CEP128: variants seen among roughly 807,000 people sequenced by gnomAD.
The protein encoded by CEP128 is centrosomal protein 128kDa.
In CEP128, 132 loss-of-function variants were observed where a neutral mutation model predicts 156.7. That is an observed-to-expected ratio of 0.84 (90% CI 0.73 to 0.97). CEP128 has a LOEUF of 0.97. Among genes scored for constraint, CEP128 ranks in the 50% least tolerant of loss-of-function variants. The pLI, the probability that CEP128 is intolerant of heterozygous loss-of-function variation, is 0.00. For synonymous variants in CEP128, 469 were observed against 448.9 expected, an observed-to-expected ratio of 1.04 and a Z score of -0.57; for missense variants, 1,252 against 1,281.9, an observed-to-expected ratio of 0.98 and a Z score of 0.36.
At chr14:80,944,079 G>A (rs1049253400), upstream of CEP128, among the ~76,000 whole-genome samples, 20 of 151,602 alleles carry the variant, frequency 1.3e-4, no homozygotes, top group Admixed American at 5.2e-4. Context: ...AGTTAAAGCC[G>A]ACAAAATGAG....
chr14:80,557,763 C>G (rs928930188), intron 21 of CEP128, among the ~76,000 whole-genome samples: 4 of 152,208 alleles, frequency 2.6e-5, no homozygotes, highest in South Asian at 4.1e-4. Context: ...CATCTTTCCT[C>G]TCTTCATACT....
At chr14:80,768,572 T>C (rs1490837557) in intron 16 of CEP128, among the ~76,000 whole-genome samples, 1 of 152,190 alleles carries the variant, frequency 6.6e-6, no homozygotes, top group African/African-American at 2.4e-5. Flanking sequence ...GAAGAAGTTA[T>C]GATTAATAGC....
At chr14:80,603,970 G>A (rs1473226918) in intron 19 of CEP128, among the ~76,000 whole-genome samples, 6 of 152,220 alleles carry the variant, frequency 3.9e-5, no homozygotes, top group Non-Finnish European at 7.4e-5. Context: ...GTTGTGAAAC[G>A]ATGAAGCTTT....
At position 80,507,975 on chromosome 14, in the gene CEP128, C is replaced by G. The variant is rs551354403; in HGVS notation, c.3073-2955G>C. Among the ~76,000 whole-genome samples, 14 of 152,276 alleles carry G rather than the reference C, an allele frequency of 9.2e-5. No homozygotes were observed. The South Asian group carries it at 2.9e-3, about 32-fold the overall frequency. ...TGTTGCCCAGGCTGGAGTGCAGTGG[C>G]ACGATCTTGGCTCACTGCAACCTCT... On this transcript the variant is annotated intron_variant, in intron 23 of 24. Coordinates refer to ENST00000555265, the MANE Select transcript of CEP128 (RefSeq NM_152446.5).
intron 21 of CEP128, among the ~76,000 whole-genome samples, chr14:80,534,023 C>T (rs1223247659): frequency 1.3e-5 from 2 of 152,144 alleles, no homozygotes; most frequent in Non-Finnish European, 2.9e-5. Flanking sequence ...CTAACTAGGG[C>T]ATTTGCAACA....
At chr14:80,608,253 G>A (rs1291783190) in intron 19 of CEP128, among the ~76,000 whole-genome samples, 2 of 151,944 alleles carry the variant, frequency 1.3e-5, no homozygotes, top group East Asian at 1.9e-4. Context: ...TTGTCTTTTC[G>A]CCTCCACTAG....
chr14:80,526,486 A>G (rs564766140), intron 23 of CEP128, among the ~76,000 whole-genome samples: 93 of 152,208 alleles, frequency 6.1e-4, no homozygotes, highest in African/African-American at 2.0e-3. Context: ...AAAGTACAAT[A>G]TATTATCTGA....
chr14:80,564,331 TC>T (rs1890821826), intron 20 of CEP128, among the ~76,000 whole-genome samples: 1 of 152,226 alleles, frequency 6.6e-6, no homozygotes, highest in Non-Finnish European at 1.5e-5. Context: ...TATTACACTT[TC>T]TAAGTAAAAA....
intron 19 of CEP128, among the ~76,000 whole-genome samples, chr14:80,690,001 G>A (rs1896663190): frequency 6.6e-6 from 1 of 151,998 alleles, no homozygotes; most frequent in Non-Finnish European, 1.5e-5. Context: ...CTGGATATAA[G>A]GCATGGCAAT....
chr14:80,916,192 G>C lies in CEP128; in HGVS notation c.147+209C>G, dbSNP rs1045497625. ...ATTTTTCCCTTAGAGCCTCCAGAGA[G>C]GAACACATCCCTACCAACACTTTGA... is the stretch of plus-strand genomic sequence containing the variant. On this transcript the variant is annotated intron_variant, in intron 3 of 24. Transcript: ENST00000555265. Among the ~76,000 whole-genome samples the C allele has an allele frequency of 7.9e-5, 12 of 152,236 alleles. No individual in the cohort carries two copies. The East Asian group carries it at 1.9e-3, about 25-fold the overall frequency.
downstream of CEP128, among the ~76,000 whole-genome samples, chr14:80,488,001 G>C (rs534256427): frequency 4.7e-5 from 7 of 149,826 alleles, no homozygotes; most frequent in South Asian, 1.1e-3. Flanking sequence ...TCAAAAGCTA[G>C]CAGAAGGCAA....
chr14:80,595,136 T>C (rs186668765), intron 19 of CEP128, among the ~76,000 whole-genome samples: 107 of 152,310 alleles, frequency 7.0e-4, no homozygotes, highest in Admixed American at 1.9e-3. Context: ...TGGAATACTA[T>C]GCAGCCATAA....
chr14:80,918,637 C>T (rs188633885), intron 2 of CEP128, among the ~76,000 whole-genome samples: 3 of 152,190 alleles, frequency 2.0e-5, no homozygotes, highest in South Asian at 2.1e-4. Flanking sequence ...TTCTGCTGTC[C>T]GATTATCCTG....
At chr14:80,736,251 A>C (rs1439045503) in intron 19 of CEP128, among the ~76,000 whole-genome samples, 1 of 91,132 alleles carries the variant, frequency 1.1e-5, no homozygotes, top group Non-Finnish European at 2.3e-5. Flanking sequence ...CTCTAATATA[A>C]GGTTTTAAAA....
intron 9 of CEP128, among the ~76,000 whole-genome samples, chr14:80,852,675 C>T (rs984905470): frequency 6.6e-6 from 1 of 151,764 alleles, no homozygotes; most frequent in Admixed American, 6.6e-5. Context: ...AATTAGTAAT[C>T]TGCAGCACCA....
At chr14:80,539,386 C>A (rs542064252) in intron 21 of CEP128, among the ~76,000 whole-genome samples, 1 of 152,094 alleles carries the variant, frequency 6.6e-6, no homozygotes, top group African/African-American at 2.4e-5. Flanking sequence ...TCAGGGACCT[C>A]GAACAGAGGG....
upstream of CEP128, chr14:80,942,480 G>T (rs1469244029): frequency 2.0e-5 from 3 of 152,166 alleles, no homozygotes; most frequent in Non-Finnish European, 4.4e-5. Flanking sequence ...AAGCTAAAAA[G>T]TAACAATTAA....
chr14:80,587,784 G>T (rs1891881122), intron 19 of CEP128, among the ~76,000 whole-genome samples: 1 of 152,112 alleles, frequency 6.6e-6, no homozygotes, highest in Non-Finnish European at 1.5e-5. Flanking sequence ...AGAAGTTTAT[G>T]ATCCATTGTA....
At chr14:80,792,737 C>G (rs1305038738) in intron 14 of CEP128, 23 bp downstream of exon 14, 2 of 1,590,484 alleles carry the variant, frequency 1.3e-6, no homozygotes, top group Non-Finnish European at 8.6e-7. Context: ...GAAAACCGTT[C>G]CTTAGGAATG....
Sources: allele counts gnomAD v4.1 joint callset (sites outside exome capture counted in the v4.1 genomes callset), GRCh38; gene constraint gnomAD v4.1.1; transcripts MANE v1.5; gene names NCBI Gene and HGNC (gene_info 2026-07-23, HGNC 2026-07-21).